The following ZSWIM2 variants were observed in gnomAD, a reference collection of about 807,000 sequenced individuals.
ZSWIM2 encodes the protein zinc finger SWIM-type containing 2.
Under a neutral mutation model 48.4 loss-of-function variants are expected in ZSWIM2, and 38 were observed. The ratio of observed to expected loss-of-function variants is 0.79; its 90% confidence interval spans 0.61 to 1.03. The LOEUF (loss-of-function observed/expected upper bound fraction) is 1.03, where lower values mean the gene tolerates loss of function less well. Among genes scored for constraint, ZSWIM2 ranks in the 50% least tolerant of loss-of-function variants. ZSWIM2 has a pLI of 0.00. For missense variants in ZSWIM2, 776 were observed against 730.2 expected (o/e 1.06, Z -0.72); for synonymous variants, 240 against 251.3 (o/e 0.96, Z 0.42).
intron 2 of ZSWIM2, 66 bp from the exon 3 acceptor site, chr2:186,844,823 A>C: frequency 7.6e-7 from 1 of 1,324,406 alleles, no homozygotes; most frequent in Non-Finnish European, 1.0e-6. Flanking sequence ...AAGACATTTA[A>C]AAATATTTAG....
intron 5 of ZSWIM2, among the ~76,000 whole-genome samples, 190 bp downstream of exon 5, chr2:186,837,116 G>A (rs1245551214): frequency 6.6e-6 from 1 of 152,014 alleles, no homozygotes; most frequent in African/African-American, 2.4e-5. Flanking sequence ...AAAATAAAAC[G>A]ATTGGAGTTC....
intron 4 of ZSWIM2, 47 bp downstream of exon 4, chr2:186,838,912 T>C (rs1383452146): frequency 1.3e-6 from 2 of 1,543,708 alleles, no homozygotes; most frequent in African/African-American, 1.4e-5. Flanking sequence ...GAAATATGTT[T>C]TAGAATTTTT....
At chr2:186,847,695 A>G in intron 2 of ZSWIM2, 24 bp downstream of exon 2, 1 of 1,557,762 alleles carries the variant, frequency 6.4e-7, no homozygotes, top group Non-Finnish European at 8.8e-7. Context: ...TTCATGGAAG[A>G]TCTTCATTTG....
intron 7 of ZSWIM2, among the ~76,000 whole-genome samples, chr2:186,832,060 T>C (rs953817182): frequency 6.6e-6 from 1 of 152,178 alleles, no homozygotes; most frequent in African/African-American, 2.4e-5. Context: ...ATGTGTTTCA[T>C]AATGTACACA....
intron 3 of ZSWIM2, among the ~76,000 whole-genome samples, chr2:186,844,068 C>A (rs1292379941): frequency 2.0e-5 from 3 of 151,522 alleles, no homozygotes; most frequent in Non-Finnish European, 4.4e-5. Context: ...TTAGATGGGT[C>A]TAGTATTGGT....
chr2:186,828,373 A>G lies in ZSWIM2; in HGVS notation c.1513T>C (p.Phe505Leu). 6.2e-7 allele frequency: 1 copy of G among 1,613,770 alleles called. No individual in the cohort carries two copies. Among genetic ancestry groups the G allele is most frequent in the East Asian group, 2.2e-5 (1 of 44,864 alleles). The change falls in exon 9 of 9, where the codon TTT becomes CTT. Residue 505 changes from phenylalanine (F) to leucine (L), a missense_variant. Physicochemically the swap from Phe to Leu is conservative, Grantham distance 22 (BLOSUM62 0). Transcript: ENST00000295131. ...AGTGTTTGAGATGGTATTTTCCCAA[A>G]TGACACAGTGGGTAAATCTTGAAGA... ...RYLQDLPTVS[F>L]GKIPSQTLLP...
intron 1 of ZSWIM2, among the ~76,000 whole-genome samples, chr2:186,848,157 TTTTG>T (rs761126288): frequency 1.3e-5 from 2 of 152,212 alleles, no homozygotes; most frequent in Non-Finnish European, 2.9e-5. Flanking sequence ...CATTTTGGAT[TTTTG>T]TTTGGTGCAT....
chr2:186,834,171 T>G, intron 5 of ZSWIM2, 141 bp from the exon 6 acceptor site: 1 of 611,494 alleles, frequency 1.6e-6, no homozygotes, highest in Non-Finnish European at 2.9e-6. Context: ...GTGTATTAGT[T>G]TCCTGTTGCT....
Position 186,828,020 on chromosome 2 carries a change from A to G in ZSWIM2, c.1866T>C (p.Thr622=), listed in dbSNP as rs1455126192. The G allele has an allele frequency of 6.2e-7, 1 of 1,608,022 alleles. No individual in the cohort carries two copies. The highest frequency in any genetic ancestry group is 8.5e-7 in the Non-Finnish European group (1 of 1,177,938). Residue 622 remains threonine (T), a synonymous_variant, in exon 9 of 9, where the codon ACT becomes ACC. Coordinates refer to ENST00000295131, the MANE Select transcript of ZSWIM2 (RefSeq NM_182521.3). ...CTCCTTCTATTATTAAAGATAGCTC[A>G]GTACTTTTTGTATTTACAGAGTGAG... is the stretch of plus-strand genomic sequence containing the variant. The part of the protein sequence containing the change: ...PVSHSVNTKS[T]ELSLIIEGVQ...
At chr2:186,839,256 CT>C (rs1177251969) in intron 3 of ZSWIM2, 87 bp from the exon 4 acceptor site, 2 of 1,225,480 alleles carry the variant, frequency 1.6e-6, no homozygotes, top group Non-Finnish European at 2.3e-6. Context: ...TTAGAATTTT[CT>C]TTCAAATATC....
Position 186,828,407 on chromosome 2 carries a change from A to G in ZSWIM2, c.1479T>C (p.Phe493=). The G allele has an allele frequency of 6.2e-7, 1 of 1,613,662 alleles. No individual in the cohort carries two copies. The highest frequency in any genetic ancestry group is 8.5e-7 in the Non-Finnish European group (1 of 1,179,778). The change falls in exon 9 of 9, where the codon TTT becomes TTC. Residue 493 remains phenylalanine, a synonymous_variant. Coordinates refer to ENST00000295131, the MANE Select transcript of ZSWIM2 (RefSeq NM_182521.3). ...LTYDYKISQH[F]PRYLQDLPTV... ...TGGGTAAATCTTGAAGATACCTGGG[A>G]AAATGTTGGCTAATTTTATAATCAT... is the stretch of plus-strand genomic sequence containing the variant.
Position 186,828,272 on chromosome 2 carries a change from G to A in ZSWIM2, c.1614C>T (p.His538=), listed in dbSNP as rs78358837. ...MESPCISGKF[H]TSLSRMTKGC... is the part of the protein sequence containing the mutation. ...CTTTGGTCATCCGGCTTAGACTAGT[G>A]TGAAATTTTCCACTGATGCATGGAC... Residue 538 remains histidine (H), a synonymous_variant, in exon 9 of 9, where the codon CAC becomes CAT. Transcript: ENST00000295131. 5.7e-3 allele frequency: 9,128 copies of A among 1,613,394 alleles called. 422 individuals are homozygous for A. In the African/African-American group the frequency reaches 0.1, roughly 18 times the overall value.
chr2:186,844,679 A>C, intron 3 of ZSWIM2, 38 bp downstream of exon 3: 1 of 1,400,266 alleles, frequency 7.1e-7, no homozygotes, highest in Non-Finnish European at 9.5e-7. Flanking sequence ...GTAGTAAAAT[A>C]AAAAAAAAAC....
chr2:186,848,590 G>C (rs1692045671), intron 1 of ZSWIM2: 1 of 174,386 alleles, frequency 5.7e-6, no homozygotes, highest in Non-Finnish European at 1.2e-5. Flanking sequence ...CAGTATGCTA[G>C]CAGATTGTAG....
intron 4 of ZSWIM2, 58 bp from the exon 5 acceptor site, chr2:186,837,612 G>GTATATATATATATAT (rs1553517374): frequency 2.9e-5 from 14 of 488,068 alleles, no homozygotes; most frequent in African/African-American, 2.5e-4. Flanking sequence ...CATATCCATT[G>GTATATATATATATAT]TATATATATA....
In ZSWIM2 at chr2:186,828,500, A is replaced by G; in HGVS notation, c.1386T>C (p.Tyr462=). ...ATAGATTATCTATTGTTGTATTTTC[A>G]TAGGCATCTTTTGGGCTTTGAGGTG... ...LNTPQSPKDA[Y]ENTTIDNLCS... is the part of the protein sequence containing the mutation. Residue 462 remains tyrosine, a synonymous_variant, in exon 9 of 9, where the codon TAT becomes TAC. Transcript: ENST00000295131. 1 of 1,613,484 alleles carries G rather than the reference A, an allele frequency of 6.2e-7. No homozygotes were observed. Among genetic ancestry groups the G allele is most frequent in the Non-Finnish European group, 8.5e-7 (1 of 1,179,684 alleles).
chr2:186,829,433 C>T (rs1306223872), intron 8 of ZSWIM2, among the ~76,000 whole-genome samples: 3 of 152,198 alleles, frequency 2.0e-5, no homozygotes, highest in Non-Finnish European at 4.4e-5. Context: ...TATTCTATAA[C>T]CTTTTTTCTT....
At chr2:186,841,407 A>C (rs1224542488) in intron 3 of ZSWIM2, among the ~76,000 whole-genome samples, 1 of 151,398 alleles carries the variant, frequency 6.6e-6, no homozygotes, top group Non-Finnish European at 1.5e-5. Flanking sequence ...GAATCCAAAA[A>C]ACAAATAAAA....
chr2:186,834,381 C>G (rs777572457), intron 5 of ZSWIM2, among the ~76,000 whole-genome samples: 1 of 152,086 alleles, frequency 6.6e-6, no homozygotes, highest in Non-Finnish European at 1.5e-5. Flanking sequence ...CAACCCCAGG[C>G]GCTGACCTGG....
Sources: gnomAD v4.1 joint callset for allele counts (sites outside exome capture counted in the v4.1 genomes callset) on GRCh38, gnomAD v4.1.1 for gene constraint, MANE v1.5 for transcripts, NCBI Gene and HGNC (gene_info 2026-07-23, HGNC 2026-07-21) for gene names.